Variants in RNFT2 observed in about 807,000 individuals in gnomAD.
RNFT2 encodes the protein ring finger protein, transmembrane 2.
In RNFT2, 36 loss-of-function variants were observed where a neutral mutation model predicts 53.0. That is an observed-to-expected ratio of 0.68 (90% CI 0.52 to 0.90). RNFT2 has a LOEUF of 0.90. Ranked by LOEUF, RNFT2 falls within the 40% of genes least tolerant of loss-of-function variation. RNFT2 has a pLI of 0.00. For missense variants in RNFT2, 514 were observed against 585.6 expected (o/e 0.88, Z 1.26); for synonymous variants, 260 against 253.2 (o/e 1.03, Z -0.26).
chr12:116,741,876 C>T (rs572403166), intron 3 of RNFT2, among the ~76,000 whole-genome samples: 33 of 152,226 alleles, frequency 2.2e-4, no homozygotes, highest in Non-Finnish European at 5.9e-5. Context: ...GCCTCAAACT[C>T]CTGGGCTCAA....
chr12:116,777,258 T>C (rs958172016), intron 6 of RNFT2, among the ~76,000 whole-genome samples: 2 of 152,052 alleles, frequency 1.3e-5, no homozygotes, highest in African/African-American at 4.8e-5. Context: ...ATAGAGTCTT[T>C]GGGAAGACAA....
chr12:116,782,304 A>C (rs1004620742), intron 7 of RNFT2: 3 of 151,976 alleles, frequency 2.0e-5, no homozygotes, highest in Admixed American at 6.6e-5. Flanking sequence ...AGATTGCTTG[A>C]GGCCAGGACT....
chr12:116,754,308 T>G (rs577227848), intron 5 of RNFT2, among the ~76,000 whole-genome samples: 119 of 152,332 alleles, frequency 7.8e-4, no homozygotes, highest in African/African-American at 2.8e-3. Flanking sequence ...TCATTCCTTT[T>G]TATGGCTGTG....
intron 7 of RNFT2, among the ~76,000 whole-genome samples, chr12:116,786,563 G>A (rs75283087): frequency 0.019 from 2,894 of 152,192 alleles, 107 homozygotes; most frequent in East Asian, 0.15. Context: ...ATCACCTGGC[G>A]CCTTCTGGGT....
intron 7 of RNFT2, among the ~76,000 whole-genome samples, chr12:116,811,409 T>C (rs1231486289): frequency 6.6e-6 from 1 of 151,150 alleles, no homozygotes; most frequent in Non-Finnish European, 1.5e-5. Context: ...AGAGTCTCAC[T>C]CTGTCGCCCA....
intron 10 of RNFT2, among the ~76,000 whole-genome samples, chr12:116,846,303 C>T (rs1216292064): frequency 2.0e-5 from 3 of 152,100 alleles, no homozygotes; most frequent in Non-Finnish European, 4.4e-5. Context: ...GACAAGGTCT[C>T]ACTCTGTCTC....
intron 6 of RNFT2, 116 bp from the exon 7 acceptor site, chr12:116,779,079 C>G: frequency 9.3e-7 from 1 of 1,077,370 alleles, no homozygotes; most frequent in East Asian, 2.4e-5. Flanking sequence ...AGACGTCTGA[C>G]TCCCAGTTCA....
chr12:116,795,163 T>G (rs1333266417), intron 7 of RNFT2, among the ~76,000 whole-genome samples: 1 of 152,062 alleles, frequency 6.6e-6, no homozygotes, highest in Non-Finnish European at 1.5e-5. Flanking sequence ...CCCAGCACTT[T>G]GGGAGGCCAA....
rs1185836452 is a variant in RNFT2, at chr12:116,850,057, C to T, written c.*609C>T. 1 of 151,630 alleles carries T rather than the reference C, an allele frequency of 6.6e-6. No individual in the cohort carries two copies. Among genetic ancestry groups the T allele is most frequent in the Non-Finnish European group, 1.5e-5 (1 of 68,034 alleles). 9.4% of individuals were successfully genotyped at this position (151,630 alleles called of 1,614,324 possible). On this transcript the variant is annotated 3_prime_UTR_variant, in exon 11 of 11. Coordinates refer to ENST00000257575, the MANE Select transcript of RNFT2 (RefSeq NM_001382266.1). ...ACAGGGTTTTGCCATGTTGGCCAGGCTGGTCTCCAACTCTTGACCTCAAAT... is the reference window on the plus strand; with the variant it reads ...ACAGGGTTTTGCCATGTTGGCCAGGTTGGTCTCCAACTCTTGACCTCAAAT...
In RNFT2 at chr12:116,755,943, T is replaced by C. The variant is rs1872490188; in HGVS notation, c.627+1883T>C. 5 of 939,528 alleles carry C rather than the reference T, an allele frequency of 5.3e-6. No homozygotes were observed. The South Asian group carries it at 6.7e-5, about 13-fold the overall frequency. The allele number at this position is 939,528 out of a possible 1,614,324, so 58.2% of individuals were successfully genotyped here. ...AGATATGTCCTTATTTTTGTACCAG[T>C]ACCATGCTGTTTTGGTGACTATGGC... On this transcript the variant is annotated intron_variant, in intron 5 of 10. Transcript: ENST00000257575.
chr12:116,767,831 G>A (rs1300742819), intron 6 of RNFT2, among the ~76,000 whole-genome samples: 2 of 152,160 alleles, frequency 1.3e-5, no homozygotes, highest in African/African-American at 2.4e-5. Flanking sequence ...ACCTGCCTTG[G>A]CCTCCCAAAG....
chr12:116,754,230 A>G (rs1872391130), intron 5 of RNFT2, among the ~76,000 whole-genome samples, 170 bp downstream of exon 5: 3 of 152,212 alleles, frequency 2.0e-5, no homozygotes, highest in Non-Finnish European at 4.4e-5. Context: ...TTGGTTTTCC[A>G]TTCCTGAGTT....
At chr12:116,742,261 G>A (rs1871643513) in intron 3 of RNFT2, among the ~76,000 whole-genome samples, 1 of 144,476 alleles carries the variant, frequency 6.9e-6, no homozygotes, top group African/African-American at 2.5e-5. Flanking sequence ...TACCGAGGTG[G>A]TTTCTTTTTT....
chr12:116,851,924 C>T lies in RNFT2; in HGVS notation c.*2476C>T, dbSNP rs1555211245. On this transcript the variant is annotated 3_prime_UTR_variant, in exon 11 of 11. Transcript: ENST00000257575. ...CAGGCCTGTCAGCAGCTCCTGTGGA[C>T]ATTGCCATCCCCTCTGGTAGCCTTC... The T allele has an allele frequency of 1.3e-6, 2 of 1,533,672 alleles. No homozygotes were observed. The highest frequency in any genetic ancestry group is 3.4e-4 in the Middle Eastern group (2 of 5,968).
intron 5 of RNFT2, among the ~76,000 whole-genome samples, chr12:116,765,376 AT>A (rs1872863759): frequency 6.6e-6 from 1 of 152,176 alleles, no homozygotes; most frequent in African/African-American, 2.4e-5. Context: ...ATGGAGATGC[AT>A]TTGTTTCGTC....
intron 6 of RNFT2, among the ~76,000 whole-genome samples, chr12:116,777,907 A>G (rs1379911589): frequency 2.0e-5 from 3 of 152,212 alleles, no homozygotes; most frequent in Admixed American, 6.5e-5. Context: ...GACTTTGGGC[A>G]GCTGACCACC....
chr12:116,833,753 T>C, intron 7 of RNFT2, 39 bp from the exon 8 acceptor site: 9 of 1,609,070 alleles, frequency 5.6e-6, no homozygotes, highest in Non-Finnish European at 7.6e-6. Flanking sequence ...TTTGGGTCTT[T>C]ACTGCTAATA....
At chr12:116,822,427 T>G (rs1876089891) in intron 7 of RNFT2, among the ~76,000 whole-genome samples, 1 of 152,134 alleles carries the variant, frequency 6.6e-6, no homozygotes, top group South Asian at 2.1e-4. Context: ...TACTAGATAC[T>G]GTCAGATCCA....
Position 116,851,555 on chromosome 12 carries a change from A to G in RNFT2, c.*2107A>G, listed in dbSNP as rs1877924518. 1 of 569,524 alleles carries G rather than the reference A, an allele frequency of 1.8e-6. No individual in the cohort carries two copies. Among genetic ancestry groups the G allele is most frequent in the Non-Finnish European group, 3.1e-6 (1 of 320,220 alleles). 35.3% of individuals were successfully genotyped at this position (569,524 alleles called of 1,614,324 possible). ...AGAGTTCAAGACTAGCCTGGCCAAC[A>G]TGGCAAAACCCCCTCTTTACTAAAA... is the stretch of plus-strand genomic sequence containing the variant. On this transcript the variant is annotated 3_prime_UTR_variant, in exon 11 of 11. Coordinates refer to ENST00000257575, the MANE Select transcript of RNFT2 (RefSeq NM_001382266.1).
Sources: gnomAD v4.1 joint callset for allele counts (sites outside exome capture counted in the v4.1 genomes callset) on GRCh38, gnomAD v4.1.1 for gene constraint, MANE v1.5 for transcripts, NCBI Gene and HGNC (gene_info 2026-07-23, HGNC 2026-07-21) for gene names.